MAST4: variants seen among roughly 807,000 people sequenced by gnomAD.
The protein encoded by MAST4 is microtubule-associated serine/threonine-protein kinase 4.
A neutral mutation model predicts 162.7 loss-of-function variants in MAST4; 89 were observed. That is an observed-to-expected ratio of 0.55 (90% CI 0.46 to 0.65). The LOEUF (loss-of-function observed/expected upper bound fraction) is 0.65, where lower values mean the gene tolerates loss of function less well. Among genes scored for constraint, MAST4 ranks in the 30% least tolerant of loss-of-function variants. The probability of loss-of-function intolerance (pLI) is 0.00; values close to 1 mark genes in which losing one functional copy is unlikely to be tolerated. For synonymous variants in MAST4, 1,479 were observed against 1,361.1 expected (o/e 1.09, Z -1.91); for missense variants, 3,153 against 3,374.0 (o/e 0.93, Z 1.62).
intron 4 of MAST4, among the ~76,000 whole-genome samples, chr5:67,038,462 A>G (rs1328739417): frequency 2.0e-5 from 3 of 152,146 alleles, no homozygotes; most frequent in Non-Finnish European, 4.4e-5. Context: ...AAGATACTCT[A>G]AAAACTGTTA....
At chr5:66,675,112 A>G (rs996260906) in intron 1 of MAST4, among the ~76,000 whole-genome samples, 3 of 152,142 alleles carry the variant, frequency 2.0e-5, no homozygotes, top group South Asian at 2.1e-4. Context: ...CTTCTGTGCC[A>G]TGCACTCCAA....
intron 11 of MAST4, among the ~76,000 whole-genome samples, chr5:67,113,835 T>G (rs1766555591): frequency 6.6e-6 from 1 of 152,200 alleles, no homozygotes; most frequent in African/African-American, 2.4e-5. Context: ...CCTTCGTAGT[T>G]ACATTACAAG....
chr5:67,020,803 C>T (rs139354882), intron 4 of MAST4, among the ~76,000 whole-genome samples: 27 of 152,268 alleles, frequency 1.8e-4, no homozygotes, highest in Non-Finnish European at 7.3e-5. Flanking sequence ...TGGATTGTGA[C>T]GCACTTAGAG....
At chr5:66,876,942 A>G (rs771280054) in intron 3 of MAST4, among the ~76,000 whole-genome samples, 3 of 152,260 alleles carry the variant, frequency 2.0e-5, no homozygotes, top group Non-Finnish European at 2.9e-5. Context: ...AGCTTAAAAA[A>G]TCAATTCTGC....
chr5:66,970,360 T>G (rs1294517006), intron 4 of MAST4, among the ~76,000 whole-genome samples: 1 of 152,202 alleles, frequency 6.6e-6, no homozygotes, highest in Non-Finnish European at 1.5e-5. Flanking sequence ...AAAGGTTGTT[T>G]CCTTTGATTT....
chr5:67,133,927 C>T (rs1014395649), intron 17 of MAST4, among the ~76,000 whole-genome samples: 2 of 152,134 alleles, frequency 1.3e-5, no homozygotes, highest in Non-Finnish European at 2.9e-5. Context: ...AAATGGAATA[C>T]TGTTTTTGTA....
chr5:67,115,283 T>C (rs894705443), intron 12 of MAST4, among the ~76,000 whole-genome samples: 2 of 152,198 alleles, frequency 1.3e-5, no homozygotes, highest in African/African-American at 4.8e-5. Context: ...TCATTCAAAA[T>C]TGTCTTCTCG....
chr5:67,092,805 G>A (rs1015580151), intron 6 of MAST4, among the ~76,000 whole-genome samples: 2 of 152,022 alleles, frequency 1.3e-5, no homozygotes, highest in Non-Finnish European at 2.9e-5. Flanking sequence ...TTGAGTACTG[G>A]GCTGGAAGTC....
chr5:66,882,965 G>A (rs1050664299), intron 3 of MAST4, among the ~76,000 whole-genome samples: 3 of 152,152 alleles, frequency 2.0e-5, no homozygotes, highest in Non-Finnish European at 4.4e-5. Flanking sequence ...TACCACTTAG[G>A]AGGTAGACTA....
chr5:66,979,858 T>G (rs543087418), intron 4 of MAST4, among the ~76,000 whole-genome samples: 1 of 152,250 alleles, frequency 6.6e-6, no homozygotes, highest in Admixed American at 6.5e-5. Flanking sequence ...GTAATTCACA[T>G]GTGTATAGAA....
chr5:66,751,617 A>T (rs1387881443), intron 1 of MAST4, among the ~76,000 whole-genome samples: 1 of 151,204 alleles, frequency 6.6e-6, no homozygotes, highest in East Asian at 1.9e-4. Context: ...AGAAATGAGC[A>T]AAGCCTCCAA....
chr5:67,056,363 A>G (rs889570349), intron 5 of MAST4, among the ~76,000 whole-genome samples: 3 of 152,148 alleles, frequency 2.0e-5, no homozygotes, highest in African/African-American at 7.2e-5. Flanking sequence ...AGCACTCAGC[A>G]CAGTGCGCAG....
At chr5:66,984,130 CAT>C (rs1749183760) in intron 4 of MAST4, among the ~76,000 whole-genome samples, 1 of 152,104 alleles carries the variant, frequency 6.6e-6, no homozygotes, top group African/African-American at 2.4e-5. Flanking sequence ...GAGGATGTAA[CAT>C]AAACCAGAAA....
intron 1 of MAST4, among the ~76,000 whole-genome samples, chr5:66,696,001 A>G (rs1198453702): frequency 6.6e-6 from 1 of 152,240 alleles, no homozygotes; most frequent in African/African-American, 2.4e-5. Context: ...GTACATGTAC[A>G]CCATGGAATA....
At chr5:66,816,587 G>C (rs375125749) in intron 3 of MAST4, among the ~76,000 whole-genome samples, 1 of 152,088 alleles carries the variant, frequency 6.6e-6, no homozygotes, top group Non-Finnish European at 1.5e-5. Flanking sequence ...ATCTGTACAG[G>C]TATCAAAGTC....
At chr5:66,846,146 T>C (rs563140008) in intron 3 of MAST4, among the ~76,000 whole-genome samples, 1 of 152,160 alleles carries the variant, frequency 6.6e-6, no homozygotes, top group Admixed American at 6.5e-5. Context: ...ATACCTGGAT[T>C]GAAATCCAGA....
intron 1 of MAST4, among the ~76,000 whole-genome samples, chr5:66,684,751 G>A (rs1310985390): frequency 6.6e-6 from 1 of 152,076 alleles, no homozygotes; most frequent in Non-Finnish European, 1.5e-5. Flanking sequence ...ATTTTGGGGG[G>A]CTTACAATAT....
intron 4 of MAST4, among the ~76,000 whole-genome samples, chr5:66,935,754 G>A (rs1044992228): frequency 6.6e-6 from 1 of 150,616 alleles, no homozygotes; most frequent in Non-Finnish European, 1.5e-5. Context: ...TGCCACCTCC[G>A]CCTCCCGGGT....
intron 4 of MAST4, among the ~76,000 whole-genome samples, chr5:66,972,956 T>G (rs901233434): frequency 1.1e-3 from 167 of 152,200 alleles, no homozygotes; most frequent in African/African-American, 3.8e-3. Context: ...CCCTTCAACT[T>G]TTTTTTAAAT....
Sources: allele counts gnomAD v4.1 joint callset (sites outside exome capture counted in the v4.1 genomes callset), GRCh38; gene constraint gnomAD v4.1.1; transcripts MANE v1.5; gene names NCBI Gene and HGNC (gene_info 2026-07-23, HGNC 2026-07-21).